Variants in CELF2 observed in about 807,000 individuals in gnomAD.
The protein encoded by CELF2 is CUG triplet repeat RNA-binding protein 2.
In CELF2, 8 loss-of-function variants were observed where a neutral mutation model predicts 62.6. The observed-to-expected ratio is 0.13, with a 90% CI of 0.07 to 0.23. The LOEUF (loss-of-function observed/expected upper bound fraction) is 0.23, where lower values mean the gene tolerates loss of function less well. Among genes scored for constraint, CELF2 ranks in the 10% least tolerant of loss-of-function variants. The probability of loss-of-function intolerance (pLI) is 1.00; values close to 1 mark genes in which losing one functional copy is unlikely to be tolerated. For missense variants in CELF2, 333 were observed against 671.0 expected (o/e 0.50, Z 5.56); for synonymous variants, 258 against 250.0 (o/e 1.03, Z -0.30).
At chr10:10,952,976 G>A (rs1032014135) in intron 2 of CELF2, among the ~76,000 whole-genome samples, 1 of 152,152 alleles carries the variant, frequency 6.6e-6, no homozygotes, top group African/African-American at 2.4e-5. Context: ...GAACAGATTG[G>A]TGAGTTGGTT....
chr10:11,238,908 G>T (rs912565559), intron 3 of CELF2, among the ~76,000 whole-genome samples: 5 of 152,162 alleles, frequency 3.3e-5, no homozygotes, highest in African/African-American at 9.7e-5. Context: ...ATGAAAGCTT[G>T]TGTTATTATT....
intron 1 of CELF2, among the ~76,000 whole-genome samples, chr10:11,053,596 G>A (rs1374363793): frequency 1.3e-5 from 2 of 150,142 alleles, no homozygotes; most frequent in East Asian, 3.9e-4. Context: ...GCATTCGTAG[G>A]CATACTCTGA....
chr10:10,739,847 T>G, the CELF2 span, among the ~76,000 whole-genome samples: 46 of 152,346 alleles, frequency 3.0e-4, no homozygotes, highest in African/African-American at 1.1e-3. Context: ...TGATTAGCAA[T>G]GTTGAGCACC....
chr10:11,265,630 C>T (rs1395830173), intron 5 of CELF2, among the ~76,000 whole-genome samples: 3 of 152,188 alleles, frequency 2.0e-5, no homozygotes, highest in Admixed American at 6.5e-5. Flanking sequence ...TTTGAGAAGG[C>T]AGTGTTTTTA....
At position 10,826,603 on chromosome 10, in the gene CELF2, G is replaced by A. The variant is rs12569718; in HGVS notation, c.53+27786G>A. ...CTGTCTATGACAGAACCCAGTGATG[G>A]AAGCTGCATCTCTGTGCTTTACTAA... On this transcript the variant is annotated intron_variant, in intron 1 of 13. Coordinates refer to the CELF2 transcript ENST00000636488. Among the ~76,000 whole-genome samples, 100 of 152,306 alleles carry A rather than the reference G, an allele frequency of 6.6e-4. 1 individual carries two copies. The East Asian group carries it at 0.019, about 28-fold the overall frequency.
Position 11,249,267 on chromosome 10 carries a change from G to T in CELF2, c.403+66G>T, listed in dbSNP as rs1435908031. The T allele has an allele frequency of 5.8e-6, 8 of 1,380,604 alleles. No homozygotes were observed. In the East Asian group the frequency reaches 1.6e-4, roughly 28 times the overall value. The allele number at this position is 1,380,604 out of a possible 1,614,324, so 85.5% of individuals were successfully genotyped here. On this transcript the variant is annotated intron_variant, in intron 4 of 12. Transcript: ENST00000633077. Reference sequence around the variant, plus strand: ...CTGCTTTAAATTACAAAGTCAGTTGGGGGCGGGAGAAGCCGGCCCAGCTGC... The same window carrying T: ...CTGCTTTAAATTACAAAGTCAGTTGTGGGCGGGAGAAGCCGGCCCAGCTGC...
the CELF2 span, among the ~76,000 whole-genome samples, chr10:10,733,366 T>C: frequency 6.6e-6 from 1 of 152,176 alleles, no homozygotes; most frequent in Non-Finnish European, 1.5e-5. Flanking sequence ...CGATAAATGT[T>C]CCAACTGCAG....
intron 1 of CELF2, among the ~76,000 whole-genome samples, chr10:10,822,302 A>G (rs575524492): frequency 6.6e-6 from 1 of 152,320 alleles, no homozygotes; most frequent in African/African-American, 2.4e-5. Flanking sequence ...GCTTCTGTAC[A>G]AATGTATTAA....
the CELF2 span, among the ~76,000 whole-genome samples, chr10:10,477,400 G>T: frequency 6.6e-6 from 1 of 152,166 alleles, no homozygotes; most frequent in Non-Finnish European, 1.5e-5. Context: ...AATACAATGG[G>T]TGGGCCTAGA....
chr10:10,510,870 A>T, the CELF2 span, among the ~76,000 whole-genome samples: 1 of 152,184 alleles, frequency 6.6e-6, no homozygotes, highest in East Asian at 1.9e-4. Context: ...CCTTCTAGAT[A>T]GGGGGCATAG....
In CELF2 at chr10:11,319,053, G is replaced by T. The variant is rs1396184677; in HGVS notation, c.1097-2136G>T. The T allele has an allele frequency of 2.1e-6, 1 of 470,678 alleles. No individual in the cohort carries two copies. Among genetic ancestry groups the T allele is most frequent in the Non-Finnish European group, 4.4e-6 (1 of 227,070 alleles). 29.2% of individuals were successfully genotyped at this position (470,678 alleles called of 1,614,324 possible). A position where few individuals can be genotyped will look rare whatever the true frequency, so the allele number is the denominator to read the frequency against. On this transcript the variant is annotated intron_variant, in intron 10 of 12. Transcript: ENST00000633077. This position sits in a 1 kb window ranked among gnomAD's most constrained non-coding sequence, Gnocchi z 4.4. ...AGCAAGGCCCCACATGGCTCTGCAG[G>T]CTGCGAGGCACACCCAGAACCTCAT...
At chr10:10,590,833 T>G in the CELF2 span, among the ~76,000 whole-genome samples, 1 of 152,356 alleles carries the variant, frequency 6.6e-6, no homozygotes, top group East Asian at 1.9e-4. Context: ...TTTCTTTTTT[T>G]CTGCCCTTTG....
intron 1 of CELF2, among the ~76,000 whole-genome samples, chr10:11,033,665 A>G (rs779928851): frequency 1.3e-5 from 2 of 152,234 alleles, no homozygotes; most frequent in African/African-American, 2.4e-5. Context: ...AAGAAAGGTA[A>G]TTAGACTAGA....
chr10:11,167,419 G>A lies in CELF2; in HGVS notation c.271+1737G>A, dbSNP rs575234754. Among the ~76,000 whole-genome samples, 81 of 152,306 alleles carry A rather than the reference G, an allele frequency of 5.3e-4. 1 individual carries two copies. The highest frequency in any genetic ancestry group is 1.0e-3 in the Non-Finnish European group (70 of 68,020). ...AAGGAAAATGCGACTCCAAATTTTGGTTTATCAGCATTTTTAAAAGTTACC... is the reference window on the plus strand; with the variant it reads ...AAGGAAAATGCGACTCCAAATTTTGATTTATCAGCATTTTTAAAAGTTACC... On this transcript the variant is annotated intron_variant, in intron 2 of 12. Transcript: ENST00000633077.
chr10:10,802,053 T>C (rs2054716858), intron 1 of CELF2, among the ~76,000 whole-genome samples: 1 of 152,140 alleles, frequency 6.6e-6, no homozygotes, highest in African/African-American at 2.4e-5. Flanking sequence ...TTCAACATTC[T>C]CCCATTTGAC....
At chr10:10,666,302 C>T in the CELF2 span, among the ~76,000 whole-genome samples, 26 of 152,216 alleles carry the variant, frequency 1.7e-4, no homozygotes, top group African/African-American at 5.1e-4. Flanking sequence ...GTGTTGGCTC[C>T]GTGTCTCTCA....
chr10:10,892,972 T>C (rs2062259572), intron 1 of CELF2, among the ~76,000 whole-genome samples: 1 of 152,368 alleles, frequency 6.6e-6, no homozygotes, highest in Non-Finnish European at 1.5e-5. Flanking sequence ...AATGTTGATA[T>C]CATTTTTTTG....
Position 11,153,381 on chromosome 10 carries a change from T to C in CELF2, c.75-12105T>C, listed in dbSNP as rs2063706308. Among the ~76,000 whole-genome samples, 3 of 152,190 alleles carry C rather than the reference T, an allele frequency of 2.0e-5. No individual in the cohort carries two copies. In the South Asian group the frequency reaches 6.2e-4, roughly 31 times the overall value. On this transcript the variant is annotated intron_variant, in intron 1 of 12. Transcript: ENST00000633077. ...GTCTGACATTTATCTTATAATTTTC[T>C]AGAGCTGACTGTTGTGTCTCCATGG... is the stretch of plus-strand genomic sequence containing the variant.
At chr10:10,968,500 C>T (rs1208531110) in intron 2 of CELF2, among the ~76,000 whole-genome samples, 2 of 152,118 alleles carry the variant, frequency 1.3e-5, no homozygotes, top group Non-Finnish European at 2.9e-5. Flanking sequence ...GTTTCTAAAA[C>T]CCAATGAGTA....
Sources: allele counts gnomAD v4.1 joint callset (sites outside exome capture counted in the v4.1 genomes callset), GRCh38; gene constraint gnomAD v4.1.1; non-coding constraint Gnocchi (gnomAD v3.1); transcripts MANE v1.5; gene names NCBI Gene and HGNC (gene_info 2026-07-23, HGNC 2026-07-21).